MAZ: variants seen among roughly 807,000 people sequenced by gnomAD.
The protein encoded by MAZ is myc-associated zinc finger protein.
In MAZ, 4 loss-of-function variants were observed where a neutral mutation model predicts 32.7. That is an observed-to-expected ratio of 0.12 (90% confidence interval 0.06 to 0.28). The LOEUF (loss-of-function observed/expected upper bound fraction) is 0.28. Ranked by LOEUF, MAZ falls within the 10% of genes least tolerant of loss-of-function variation. The probability of loss-of-function intolerance (pLI) is 1.00; values close to 1 mark genes in which losing one functional copy is unlikely to be tolerated. For missense variants in MAZ, 763 were observed against 667.2 expected, an observed-to-expected ratio of 1.14 and a Z score of -1.58; for synonymous variants, 510 against 297.6, an observed-to-expected ratio of 1.71 and a Z score of -7.35.
At position 29,807,474 on chromosome 16, in the gene MAZ, T is replaced by C; in HGVS notation, c.689T>C (p.Met230Thr). 6.2e-7 allele frequency: 1 copy of C among 1,612,180 alleles called. No homozygotes were observed. The highest frequency in any genetic ancestry group is 8.5e-7 in the Non-Finnish European group (1 of 1,179,674). Residue 230 changes from methionine (M) to threonine (T), a missense_variant, in exon 2 of 5, where the codon ATG becomes ACG. Transcript: ENST00000322945. ...TCGGGTGCTATGAAGATGCCGACCA[T>C]GGTGCCCCTGAGCCTCCTGAGCGTG... is the stretch of plus-strand genomic sequence containing the variant. ...VPSGAMKMPTMVPLSLLSVPQ... is the reference protein window; with the variant it reads ...VPSGAMKMPTTVPLSLLSVPQ...
At chr16:29,810,047 G>A (rs1324826819) in intron 4 of MAZ, 30 bp from the exon 5 acceptor site, 5 of 1,589,856 alleles carry the variant, frequency 3.1e-6, no homozygotes, top group Non-Finnish European at 4.3e-6. Context: ...TTCAGATCGC[G>A]CTGTGATCCG....
chr16:29,808,314 T>G (rs765448957), intron 3 of MAZ, 21 bp downstream of exon 3: 5 of 1,609,880 alleles, frequency 3.1e-6, no homozygotes, highest in East Asian at 2.2e-5. Flanking sequence ...CGCCTCCTCC[T>G]GTCTTGGTTT....
Position 29,807,385 on chromosome 16 carries a change from G to A in MAZ, c.600G>A (p.Lys200=), listed in dbSNP as rs764246084. The A allele has an allele frequency of 1.2e-6, 2 of 1,612,336 alleles. No homozygotes were observed. The highest frequency in any genetic ancestry group is 1.7e-6 in the Non-Finnish European group (2 of 1,179,772). ...YICALCAKEF[K]NGYNLRRHEA... ...GCGCTCTGTGCGCCAAGGAGTTCAA[G>A]AACGGCTACAATCTCCGGAGGCACG... The change falls in exon 2 of 5, where the codon AAG becomes AAA. Residue 200 remains lysine, a synonymous_variant. Coordinates refer to ENST00000322945, the MANE Select transcript of MAZ (RefSeq NM_002383.4).
rs932522313 is a variant in MAZ at position 29,808,084 on chromosome 16, A to T, written c.1044-146A>T. ...GCGGCGGCAGCGGCTGCTGGGCTCC[A>T]GGGGAGGGATTTCCTGCTTAAGTGT... is the stretch of plus-strand genomic sequence containing the variant. On this transcript the variant is annotated intron_variant, in intron 2 of 4. Transcript: ENST00000322945. The T allele has an allele frequency of 4.1e-6, 4 of 971,362 alleles. No individual in the cohort carries two copies. In the Admixed American group the frequency reaches 9.1e-5, roughly 22 times the overall value. The allele number at this position is 971,362 out of a possible 1,614,324, so 60.2% of individuals were successfully genotyped here.
chr16:29,808,239 C>T lies in MAZ; in HGVS notation c.1053C>T (p.His351=), dbSNP rs760767281. The change falls in exon 3 of 5, where the codon CAC becomes CAT. Residue 351 remains histidine, a synonymous_variant. Transcript: ENST00000322945. ...CCCAACGTGTCCCCAGGCCGGATCA[C>T]CTCAACAGTCACGTCAGACAAGTGC... ...HCGKSFSRPD[H]LNSHVRQVHS... 6 of 1,614,060 alleles carry T rather than the reference C, an allele frequency of 3.7e-6. No individual in the cohort carries two copies. Among genetic ancestry groups the T allele is most frequent in the South Asian group, 1.1e-5 (1 of 91,078 alleles).
At chr16:29,809,248 C>A in intron 4 of MAZ, 1 of 534,138 alleles carries the variant, frequency 1.9e-6, no homozygotes, top group Non-Finnish European at 3.3e-6. Context: ...GTCAACCCTG[C>A]AAGTGGCTAG....
chr16:29,808,432 C>G (rs1018412660), intron 3 of MAZ, 138 bp from the exon 4 acceptor site: 1 of 999,744 alleles, frequency 1.0e-6, no homozygotes, highest in Non-Finnish European at 1.5e-6. Context: ...TTCTTCAAGG[C>G]CTCATCATGT....
At position 29,807,559 on chromosome 16, in the gene MAZ, C is replaced by G. The variant is rs552006883; in HGVS notation, c.774C>G (p.Ala258=). 2 of 1,605,232 alleles carry G rather than the reference C, an allele frequency of 1.2e-6. No individual in the cohort carries two copies. Among genetic ancestry groups the G allele is most frequent in the South Asian group, 1.1e-5 (1 of 90,682 alleles). ...GGEAGAGGGA[A]AVAAGGVVTT... ...AGGCGGGTGCCGGCGGCGGCGCTGC[C>G]GCAGTGGCCGCCGGTGGCGTGGTGA... The change falls in exon 2 of 5, where the codon GCC becomes GCG. Residue 258 remains alanine (A), a synonymous_variant. Transcript: ENST00000322945.
intron 4 of MAZ, chr16:29,809,003 T>G: frequency 1.8e-6 from 1 of 557,828 alleles, no homozygotes; most frequent in Non-Finnish European, 3.1e-6. Context: ...TTGGCTGCTC[T>G]GGGGAAGGAG....
Position 29,810,095 on chromosome 16 carries a change from C to T in MAZ, c.1298C>T (p.Pro433Leu). The T allele has an allele frequency of 6.2e-7, 1 of 1,611,734 alleles. No homozygotes were observed. Among genetic ancestry groups the T allele is most frequent in the Non-Finnish European group, 8.5e-7 (1 of 1,179,102 alleles). Reference sequence around the variant, plus strand: ...TGTGCAGGTACTGGTGAGGTTTGTCCAATGGCGGCGGCAGCGGCAGCGGCG... The same window carrying T: ...TGTGCAGGTACTGGTGAGGTTTGTCTAATGGCGGCGGCAGCGGCAGCGGCG... The part of the protein sequence containing the change: ...LCNKGTGEVC[P>L]MAAAAAAAAA... Residue 433 changes from proline to leucine, a missense_variant, in exon 5 of 5, where the codon CCA becomes CTA. Pro to Leu is a moderately conservative substitution (Grantham distance 98, BLOSUM62 -3). Transcript: ENST00000322945.
intron 4 of MAZ, chr16:29,809,776 G>A: frequency 7.5e-7 from 1 of 1,337,286 alleles, no homozygotes; most frequent in Non-Finnish European, 9.9e-7. Context: ...CAAGGCGTGG[G>A]GCATGGCTGG....
chr16:29,809,703 T>G (rs1899798240), intron 4 of MAZ: 1 of 1,495,868 alleles, frequency 6.7e-7, no homozygotes, highest in African/African-American at 1.4e-5. Flanking sequence ...CCGCCCCCCC[T>G]GTCCCGGGAG....
In MAZ at chr16:29,807,085, GGCCGCTGCCGCC is replaced by G; in HGVS notation, c.303_314del (p.Ala105_Ala108del). On this transcript the variant is annotated inframe_deletion, in exon 2 of 5. Transcript: ENST00000322945. ...CCCAGGAGTCCGCCGCGGCTGCTGCGGCCGCTGCCGCCGCTGCTGCCGCCGTCGCTGCCGCGC... is the reference window on the plus strand; with the variant it reads ...CCCAGGAGTCCGCCGCGGCTGCTGCGGCTGCTGCCGCCGTCGCTGCCGCGC... The G allele has an allele frequency of 9.9e-7, 1 of 1,011,760 alleles. No individual in the cohort carries two copies. The highest frequency in any genetic ancestry group is 1.2e-6 in the Non-Finnish European group (1 of 846,786). 62.7% of individuals were successfully genotyped at this position (1,011,760 alleles called of 1,614,324 possible).
At chr16:29,807,998 G>A (rs1480279896) in intron 2 of MAZ, 170 bp downstream of exon 2, 2 of 1,308,100 alleles carry the variant, frequency 1.5e-6, no homozygotes, top group Non-Finnish European at 2.1e-6. Flanking sequence ...GCAAGGGGTG[G>A]TCCTTTGTCG....
Position 29,806,722 on chromosome 16 carries a change from C to T in MAZ, c.21C>T (p.Cys7=), listed in dbSNP as rs376853738. ...AGGCCATGTTCCCGGTGTTTCCTTGCACGCTGCTGGCCCCCCCCTTCCCCG... is the reference window on the plus strand; with the variant it reads ...AGGCCATGTTCCCGGTGTTTCCTTGTACGCTGCTGGCCCCCCCCTTCCCCG... The part of the protein sequence containing the change: MFPVFP[C]TLLAPPFPVL... Residue 7 remains cysteine, a synonymous_variant, in exon 1 of 5, where the codon TGC becomes TGT. Transcript: ENST00000322945. The T allele has an allele frequency of 7.9e-5, 107 of 1,354,028 alleles. No homozygotes were observed. The African/African-American group carries it at 1.1e-3, about 14-fold the overall frequency. The allele number at this position is 1,354,028 out of a possible 1,614,324, so 83.9% of individuals were successfully genotyped here.
Position 29,807,308 on chromosome 16 carries a change from C to G in MAZ, c.523C>G (p.Pro175Ala), listed in dbSNP as rs1009949502. The G allele has an allele frequency of 1.3e-6, 2 of 1,587,524 alleles. No homozygotes were observed. The highest frequency in any genetic ancestry group is 2.3e-5 in the East Asian group (1 of 43,032). The stretch of plus-strand genomic sequence containing the variant: ...CCCAACCTCGACGGTCGCCGTGGCC[C>G]CGGTCGCGTCTGCCTTGGAGAAGAA... ...VAPTSTVAVAPVASALEKKTK... is the reference protein window; with the variant it reads ...VAPTSTVAVAAVASALEKKTK... The change falls in exon 2 of 5, where the codon CCG (proline) becomes GCG (alanine). Residue 175 changes from proline (P) to alanine (A), a missense_variant. Coordinates refer to ENST00000322945, the MANE Select transcript of MAZ (RefSeq NM_002383.4).
intron 2 of MAZ, 194 bp from the exon 3 acceptor site, chr16:29,808,036 G>C (rs1342407783): frequency 2.7e-6 from 3 of 1,101,248 alleles, no homozygotes; most frequent in Middle Eastern, 5.2e-4. Context: ...GTTGACGGAA[G>C]CTTCGCGTGG....
chr16:29,808,019 C>T (rs1440654246), intron 2 of MAZ, 191 bp downstream of exon 2: 2 of 1,192,452 alleles, frequency 1.7e-6, no homozygotes, highest in Non-Finnish European at 2.3e-6. Context: ...AGGAGGTGGG[C>T]CTTGGGGTTG....
In MAZ at chr16:29,808,710, T is replaced by A; in HGVS notation, c.1248T>A (p.Gly416=). 1.2e-6 allele frequency: 2 copies of A among 1,613,884 alleles called. No homozygotes were observed. Among genetic ancestry groups the A allele is most frequent in the Non-Finnish European group, 8.5e-7 (1 of 1,179,964 alleles). ...ISDHMKVHSQ[G]PHHVCELCNK... is the part of the protein sequence containing the mutation. ...ACCACATGAAGGTGCACAGCCAGGGTCCTCACCATGTCTGTGAGCTCTGCA... is the reference window on the plus strand; with the variant it reads ...ACCACATGAAGGTGCACAGCCAGGGACCTCACCATGTCTGTGAGCTCTGCA... Residue 416 remains glycine, a synonymous_variant, in exon 4 of 5, where the codon GGT becomes GGA. Coordinates refer to ENST00000322945, the MANE Select transcript of MAZ (RefSeq NM_002383.4).
Sources: gnomAD v4.1 joint callset for allele counts on GRCh38, gnomAD v4.1.1 for gene constraint, MANE v1.5 for transcripts, NCBI Gene and HGNC (gene_info 2026-07-23, HGNC 2026-07-21) for gene names.